PDZD2: variants seen among roughly 807,000 people sequenced by gnomAD.
PDZD2 encodes PDZ domain containing 2.
Under a neutral mutation model 220.7 loss-of-function variants are expected in PDZD2, and 90 were observed. That is an observed-to-expected ratio of 0.41 (90% CI 0.34 to 0.49). The LOEUF is 0.49. PDZD2 is among the 20% of genes least tolerant of loss of function. PDZD2 has a pLI of 0.28. For synonymous variants in PDZD2, 1,375 were observed against 1,450.5 expected (o/e 0.95, Z 1.18); for missense variants, 3,174 against 3,608.5 (o/e 0.88, Z 3.08).
chr5:32,100,510 CAGCGAGTGTGTTTGTGAAGACAGCCAT>C, intron 23 of PDZD2: 1 of 297,030 alleles, frequency 3.4e-6, no homozygotes. Flanking sequence ...CCAGTAGAGG[CAGCGAGTGTGTTTGTGAAGACAGCCAT>C]AGCCAGGGGC....
At chr5:31,936,848 C>G (rs1438735469) in intron 2 of PDZD2, among the ~76,000 whole-genome samples, 3 of 152,138 alleles carry the variant, frequency 2.0e-5, no homozygotes, top group Non-Finnish European at 4.4e-5. Flanking sequence ...GAGTGAAGCC[C>G]GAATGCACTA....
At chr5:32,096,650 G>T (rs931482501) in intron 21 of PDZD2, among the ~76,000 whole-genome samples, 14 of 152,026 alleles carry the variant, frequency 9.2e-5, no homozygotes, top group African/African-American at 3.1e-4. Flanking sequence ...TTAATTAATT[G>T]TACCTGAAAT....
In PDZD2 at chr5:31,983,553, A is replaced by G. The variant is rs35992223; in HGVS notation, c.875A>G (p.His292Arg). The change falls in exon 3 of 25, where the codon CAT (histidine) becomes CGT (arginine). Residue 292 changes from histidine to arginine, a missense_variant. Physicochemically the swap from His to Arg is conservative, Grantham distance 29. Coordinates refer to ENST00000438447, the MANE Select transcript of PDZD2 (RefSeq NM_178140.4). ...TCAGAAGTGGACAGAGGGACAGAGC[A>G]TAGAATTCCAAAGACAGATGCTCCT... is the stretch of plus-strand genomic sequence containing the variant. ...ERSEVDRGTEHRIPKTDAPLT... is the reference protein window; with the variant it reads ...ERSEVDRGTERRIPKTDAPLT... The G allele has an allele frequency of 8.6e-4, 1,381 of 1,614,208 alleles. 14 individuals are homozygous for G. The African/African-American group carries it at 0.016, about 19-fold the overall frequency.
chr5:31,697,627 G>A (rs1207709734), intron 1 of PDZD2, among the ~76,000 whole-genome samples: 10 of 152,186 alleles, frequency 6.6e-5, no homozygotes, highest in Non-Finnish European at 1.5e-4. Context: ...GATTTCCAAA[G>A]TGAGGAGGAG....
At chr5:31,708,677 G>C (rs1266839322) in intron 1 of PDZD2, among the ~76,000 whole-genome samples, 1 of 152,174 alleles carries the variant, frequency 6.6e-6, no homozygotes, top group African/African-American at 2.4e-5. Flanking sequence ...TCTACATCAT[G>C]AATGGAGCCC....
intron 1 of PDZD2, among the ~76,000 whole-genome samples, chr5:31,643,033 A>C (rs980998768): frequency 6.6e-6 from 1 of 152,164 alleles, no homozygotes; most frequent in African/African-American, 2.4e-5. Flanking sequence ...TGAAGCCTCC[A>C]TTTGCTCATG....
intron 7 of PDZD2, among the ~76,000 whole-genome samples, chr5:32,037,647 T>C (rs1426845307): frequency 6.6e-6 from 1 of 152,184 alleles, no homozygotes; most frequent in Non-Finnish European, 1.5e-5. Flanking sequence ...CCTTTCAATG[T>C]GGAGTTAATA....
intron 2 of PDZD2, among the ~76,000 whole-genome samples, chr5:31,916,156 G>T (rs917329035): frequency 6.6e-6 from 1 of 152,198 alleles, no homozygotes; most frequent in African/African-American, 2.4e-5. Flanking sequence ...TTTTCTAGCT[G>T]CAGAACACTG....
chr5:32,077,784 C>G (rs1270991514), intron 19 of PDZD2, 178 bp downstream of exon 19: 2 of 548,944 alleles, frequency 3.6e-6, no homozygotes, highest in Non-Finnish European at 6.5e-6. Context: ...TGGTGAAACC[C>G]CATCTCTACT....
intron 6 of PDZD2, among the ~76,000 whole-genome samples, chr5:32,029,968 G>A (rs1379201109): frequency 6.6e-6 from 1 of 152,220 alleles, no homozygotes; most frequent in African/African-American, 2.4e-5. Flanking sequence ...AAGCCAATTG[G>A]CAGGAATCTT....
At chr5:32,019,123 C>T (rs1753995580) in intron 6 of PDZD2, among the ~76,000 whole-genome samples, 1 of 142,924 alleles carries the variant, frequency 7.0e-6, no homozygotes. Context: ...CAGCTCATGT[C>T]ATTTGCATAG....
intron 2 of PDZD2, among the ~76,000 whole-genome samples, chr5:31,943,049 A>C (rs1196529602): frequency 6.6e-6 from 1 of 152,140 alleles, no homozygotes. Flanking sequence ...CCAAAAATAC[A>C]AAAATCAGCT....
chr5:32,047,439 T>C (rs1738084933), intron 7 of PDZD2, among the ~76,000 whole-genome samples: 1 of 152,206 alleles, frequency 6.6e-6, no homozygotes. Flanking sequence ...AGTAATGGGA[T>C]ATTCTAGATC....
At chr5:31,869,330 A>C (rs78885316) in intron 2 of PDZD2, among the ~76,000 whole-genome samples, 3,075 of 152,128 alleles carry the variant, frequency 0.02, 100 homozygotes, top group African/African-American at 0.071. Context: ...TGTCCCTGTG[A>C]CGTGTGTTCA....
rs554099000 is a variant in PDZD2, at chr5:31,779,842, G to A, written c.-360-19047G>A. The stretch of plus-strand genomic sequence containing the variant: ...ATCTCCTTGGCAGCTTCACGTGTTC[G>A]TTTTTATTAGTGTCCATGATTAATC... On this transcript the variant is annotated intron_variant, in intron 1 of 24. Coordinates refer to ENST00000438447, the MANE Select transcript of PDZD2 (RefSeq NM_178140.4). Among the ~76,000 whole-genome samples the A allele has an allele frequency of 4.6e-5, 7 of 152,140 alleles. No homozygotes were observed. The South Asian group carries it at 1.0e-3, about 23-fold the overall frequency.
At chr5:31,789,934 A>T (rs1753604318) in intron 1 of PDZD2, among the ~76,000 whole-genome samples, 1 of 152,138 alleles carries the variant, frequency 6.6e-6, no homozygotes, top group Non-Finnish European at 1.5e-5. Context: ...AACAAAAAAA[A>T]ATTCCATTTA....
chr5:31,790,712 T>G (rs1277005109), intron 1 of PDZD2, among the ~76,000 whole-genome samples: 9 of 137,776 alleles, frequency 6.5e-5, no homozygotes, highest in Admixed American at 5.6e-4. Flanking sequence ...TTTTTTTTTT[T>G]TTTTGAGACA....
rs537026319 is a variant in PDZD2, at chr5:32,007,881, G to A, written c.1255-2449G>A. Among the ~76,000 whole-genome samples the A allele has an allele frequency of 6.6e-5, 10 of 152,284 alleles. No homozygotes were observed. In the South Asian group the frequency reaches 1.7e-3, roughly 25 times the overall value. On this transcript the variant is annotated intron_variant, in intron 5 of 24. Coordinates refer to ENST00000438447, the MANE Select transcript of PDZD2 (RefSeq NM_178140.4). Reference sequence around the variant, plus strand: ...GAGGGCTCTGGCTCCTGTGTGGTCCGCATTTGCAGCAAGGCCTTCATGATC... The same window carrying A: ...GAGGGCTCTGGCTCCTGTGTGGTCCACATTTGCAGCAAGGCCTTCATGATC...
intron 1 of PDZD2, among the ~76,000 whole-genome samples, chr5:31,738,004 C>T (rs1391053808): frequency 2.0e-5 from 3 of 152,220 alleles, no homozygotes; most frequent in African/African-American, 4.8e-5. Context: ...TAAGTGCAAG[C>T]TTCAATCACC....
Sources: allele counts gnomAD v4.1 joint callset (sites outside exome capture counted in the v4.1 genomes callset), GRCh38; gene constraint gnomAD v4.1.1; transcripts MANE v1.5; gene names NCBI Gene and HGNC (gene_info 2026-07-23, HGNC 2026-07-21).